Variants in INSC observed in about 807,000 individuals in gnomAD.
INSC encodes the protein INSC spindle orientation adaptor protein.
In INSC, 67 loss-of-function variants were observed where a neutral mutation model predicts 58.6. That is an observed-to-expected ratio of 1.14 (90% confidence interval 0.94 to 1.40). The LOEUF is 1.40. INSC is among the 40% of genes most tolerant of loss of function. The pLI, the probability that INSC is intolerant of heterozygous loss-of-function variation, is 0.00. For synonymous variants in INSC, 262 were observed against 276.1 expected, an observed-to-expected ratio of 0.95 and a Z score of 0.51; for missense variants, 714 against 692.0, an observed-to-expected ratio of 1.03 and a Z score of -0.36.
At chr11:15,188,116 T>C (rs1277959995) in intron 5 of INSC, 1 of 907,118 alleles carries the variant, frequency 1.1e-6, no homozygotes, top group African/African-American at 1.8e-5. Flanking sequence ...AGTTATAGCT[T>C]GGAGTAGCTT....
rs148301019 is a variant in INSC at position 15,145,932 on chromosome 11, A to G, written c.-45-3198A>G. ...CAGGGTGTCTGTTAGCAAAGGCTGA[A>G]CACAGGCTCTTATCTTCATCTGCTC... On this transcript the variant is annotated intron_variant, in intron 1 of 12. Coordinates refer to ENST00000379556, the MANE Select transcript of INSC (RefSeq NM_001042536.3). 3.9e-3 allele frequency among the ~76,000 whole-genome samples: 592 copies of G among 152,278 alleles called. 5 individuals are homozygous for G. Among genetic ancestry groups the G allele is most frequent in the African/African-American group, 0.013 (557 of 41,554 alleles).
chr11:15,201,042 A>T, intron 7 of INSC, 93 bp downstream of exon 7: 2 of 1,450,734 alleles, frequency 1.4e-6, no homozygotes, highest in Non-Finnish European at 1.9e-6. Context: ...CTTTTCATGG[A>T]CCAAGTGCCT....
In INSC at chr11:15,200,926, G is replaced by A; in HGVS notation, c.796G>A (p.Glu266Lys). 2 of 1,610,964 alleles carry A rather than the reference G, an allele frequency of 1.2e-6. No homozygotes were observed. Among genetic ancestry groups the A allele is most frequent in the South Asian group, 1.1e-5 (1 of 90,448 alleles). The change falls in exon 7 of 13, where the codon GAG becomes AAG. Residue 266 changes from glutamate (E) to lysine (K), a missense_variant. Glu to Lys is a moderately conservative substitution (Grantham distance 56, BLOSUM62 1). Transcript: ENST00000379556. ...RTLASICCVEEGVHQLEKVDG... is the reference protein window; with the variant it reads ...RTLASICCVEKGVHQLEKVDG... ...GCTGGCCTCCATCTGCTGCGTGGAA[G>A]AGGGTGTCCACCAGCTGGAGAAGGT...
intron 6 of INSC, among the ~76,000 whole-genome samples, chr11:15,199,072 C>T (rs899407070): frequency 6.6e-6 from 1 of 152,152 alleles, no homozygotes; most frequent in African/African-American, 2.4e-5. Flanking sequence ...TGCCCCTCTA[C>T]CCAGCTTTGT....
intron 1 of INSC, among the ~76,000 whole-genome samples, chr11:15,119,861 G>C (rs766352122): frequency 2.0e-5 from 3 of 152,190 alleles, no homozygotes; most frequent in South Asian, 4.1e-4. Flanking sequence ...TGTAAAATGG[G>C]GTTCCTCATA....
the INSC span, among the ~76,000 whole-genome samples, chr11:15,252,267 T>G: frequency 1.3e-5 from 2 of 152,190 alleles, no homozygotes; most frequent in Non-Finnish European, 2.9e-5. Flanking sequence ...TGGAGTTTCT[T>G]TTTGGTGTGA....
intron 7 of INSC, among the ~76,000 whole-genome samples, chr11:15,209,267 G>C (rs73426550): frequency 8.9e-4 from 135 of 152,306 alleles, no homozygotes; most frequent in African/African-American, 3.2e-3. Context: ...ACCCCTCTGA[G>C]CCCCATTTCA....
intron 5 of INSC, among the ~76,000 whole-genome samples, chr11:15,182,935 G>T (rs143872669): frequency 4.6e-5 from 7 of 152,176 alleles, no homozygotes; most frequent in Admixed American, 1.3e-4. Context: ...AAAAATCTTG[G>T]TATGGGAGTG....
At chr11:15,183,351 C>CAAAAA (rs66894801) in intron 5 of INSC, among the ~76,000 whole-genome samples, 13 of 80,746 alleles carry the variant, frequency 1.6e-4, no homozygotes, top group African/African-American at 5.7e-4. Context: ...AACTCCATCT[C>CAAAAA]AAAAAAAAAA....
intron 8 of INSC, among the ~76,000 whole-genome samples, chr11:15,224,569 G>A (rs561703294): frequency 6.6e-6 from 1 of 152,300 alleles, no homozygotes; most frequent in Admixed American, 6.5e-5. Flanking sequence ...CTGTGGTTTT[G>A]TGAAGGTGTT....
At chr11:15,125,874 G>A (rs182463622) in intron 1 of INSC, among the ~76,000 whole-genome samples, 12 of 152,292 alleles carry the variant, frequency 7.9e-5, no homozygotes, top group Non-Finnish European at 1.8e-4. Context: ...AGCCCTATGG[G>A]CTGGAGGTCA....
chr11:15,201,092 C>T, intron 7 of INSC, 143 bp downstream of exon 7: 1 of 1,043,434 alleles, frequency 9.6e-7, no homozygotes, highest in Non-Finnish European at 1.4e-6. Flanking sequence ...GATAGGGTGG[C>T]TGGGACCTGG....
chr11:15,193,521 C>T (rs1397071707), intron 6 of INSC, among the ~76,000 whole-genome samples: 2 of 152,164 alleles, frequency 1.3e-5, no homozygotes, highest in African/African-American at 4.8e-5. Context: ...TCTGTTCCCA[C>T]CTATGAGTGA....
At chr11:15,177,835 C>A (rs1435831469) in intron 4 of INSC, among the ~76,000 whole-genome samples, 2 of 152,128 alleles carry the variant, frequency 1.3e-5, no homozygotes, top group East Asian at 3.9e-4. Flanking sequence ...ACCTGATCCC[C>A]CTCTGTTTTT....
chr11:15,121,279 C>T (rs1590328268), intron 1 of INSC, among the ~76,000 whole-genome samples: 1 of 152,284 alleles, frequency 6.6e-6, no homozygotes, highest in Non-Finnish European at 1.5e-5. Context: ...TCTCTTTAGT[C>T]TCCTCAAATC....
At chr11:15,234,817 G>A (rs1020476624) in intron 9 of INSC, among the ~76,000 whole-genome samples, 24 of 152,024 alleles carry the variant, frequency 1.6e-4, no homozygotes, top group Admixed American at 1.6e-3. Flanking sequence ...TGCAGTTTGG[G>A]GTCCCTGGAA....
At chr11:15,177,579 A>G (rs1849616540) in intron 4 of INSC, among the ~76,000 whole-genome samples, 1 of 152,152 alleles carries the variant, frequency 6.6e-6, no homozygotes, top group South Asian at 2.1e-4. Flanking sequence ...AGATATATAA[A>G]CACATGCTTG....
At position 15,223,937 on chromosome 11, in the gene INSC, C is replaced by G. The variant is rs915583309; in HGVS notation, c.992-1713C>G. 3.9e-5 allele frequency among the ~76,000 whole-genome samples: 6 copies of G among 152,274 alleles called. No individual in the cohort carries two copies. The East Asian group carries it at 1.2e-3, about 29-fold the overall frequency. ...ATTACCCTCCTGATAGAACCAAAAC[C>G]CACATCTGTGGAAGCATTGCTGGGA... is the stretch of plus-strand genomic sequence containing the variant. On this transcript the variant is annotated intron_variant, in intron 8 of 12. Coordinates refer to ENST00000379556, the MANE Select transcript of INSC (RefSeq NM_001042536.3).
At chr11:15,229,959 T>TATATTTTATATATATATATA (rs1332890613) in intron 9 of INSC, among the ~76,000 whole-genome samples, 1 of 13,162 alleles carries the variant, frequency 7.6e-5, no homozygotes, top group African/African-American at 1.9e-4. Flanking sequence ...TATATATATA[T>TATATTTTATATATATATATA]TTATATATAT....
Sources: allele counts gnomAD v4.1 joint callset (sites outside exome capture counted in the v4.1 genomes callset), GRCh38; gene constraint gnomAD v4.1.1; transcripts MANE v1.5; gene names NCBI Gene and HGNC (gene_info 2026-07-23, HGNC 2026-07-21).